The following UNC80 variants were observed in gnomAD, a reference collection of about 807,000 sequenced individuals.
UNC80 encodes unc-80 subunit of NALCN channel complex.
A neutral mutation model predicts 384.6 loss-of-function variants in UNC80; 164 were observed. The observed-to-expected ratio is 0.43, with a 90% CI of 0.38 to 0.49. The LOEUF (loss-of-function observed/expected upper bound fraction) is 0.49, where lower values mean the gene tolerates loss of function less well. UNC80 is among the 20% of genes least tolerant of loss of function. The pLI is 0.00. For missense variants in UNC80, 3,330 were observed against 4,143.0 expected (o/e 0.80, Z 5.39); for synonymous variants, 1,486 against 1,527.8 (o/e 0.97, Z 0.64).
In UNC80 at chr2:209,941,425, C is replaced by T. The variant is rs760142924; in HGVS notation, c.6851C>T (p.Ala2284Val). ...TATGCTGCCACCGTCATCAACACCGCGGTGCACTTCAACCACCTCTTCTCT... is the reference window on the plus strand; with the variant it reads ...TATGCTGCCACCGTCATCAACACCGTGGTGCACTTCAACCACCTCTTCTCT... Reference protein sequence around the residue: ...RQYAATVINTAVHFNHLFSLS... With the variant: ...RQYAATVINTVVHFNHLFSLS... The change falls in exon 44 of 65, where the codon GCG becomes GTG. Residue 2284 changes from alanine to valine, a missense_variant. Transcript: ENST00000673920. The T allele has an allele frequency of 2.2e-5, 34 of 1,548,174 alleles. No homozygotes were observed. Among genetic ancestry groups the T allele is most frequent in the East Asian group, 1.2e-4 (5 of 40,794 alleles).
intron 43 of UNC80, among the ~76,000 whole-genome samples, chr2:209,940,501 T>C (rs1223260780): frequency 1.3e-5 from 2 of 152,166 alleles, no homozygotes; most frequent in African/African-American, 4.8e-5. Flanking sequence ...CATCTCTATG[T>C]TTTATCGCCC....
chr2:209,783,133 A>G (rs1212042648), intron 4 of UNC80, among the ~76,000 whole-genome samples: 1 of 152,190 alleles, frequency 6.6e-6, no homozygotes, highest in East Asian at 1.9e-4. Context: ...GCTTTATGAC[A>G]TCCTGGAAAC....
At chr2:209,810,767 G>A (rs550936994) in intron 7 of UNC80, among the ~76,000 whole-genome samples, 2 of 152,216 alleles carry the variant, frequency 1.3e-5, no homozygotes, top group Admixed American at 6.5e-5. Context: ...TAATTTGGTC[G>A]AACTAATAAT....
intron 51 of UNC80, chr2:209,960,934 C>G (rs868563989): frequency 1.3e-5 from 2 of 152,212 alleles, no homozygotes; most frequent in Admixed American, 1.3e-4. Context: ...CTTCCTTTCC[C>G]GCTGGTCTTC....
intron 28 of UNC80, among the ~76,000 whole-genome samples, chr2:209,902,472 A>G (rs186431073): frequency 2.6e-5 from 4 of 152,328 alleles, no homozygotes; most frequent in Non-Finnish European, 5.9e-5. Context: ...GTAAAATGCT[A>G]TCAAACAGTA....
At chr2:209,821,282 C>T (rs183683719) in intron 13 of UNC80, among the ~76,000 whole-genome samples, 36 of 152,266 alleles carry the variant, frequency 2.4e-4, no homozygotes, top group African/African-American at 8.7e-4. Flanking sequence ...CTTATATGGG[C>T]CCAATCCCAC....
At chr2:209,897,679 CTAA>C (rs1175645074) in intron 28 of UNC80, among the ~76,000 whole-genome samples, 1 of 152,214 alleles carries the variant, frequency 6.6e-6, no homozygotes, top group Non-Finnish European at 1.5e-5. Context: ...GGTCGCTCCA[CTAA>C]TGTCTGTTTC....
intron 22 of UNC80, among the ~76,000 whole-genome samples, chr2:209,860,729 A>G (rs1030453822): frequency 1.1e-4 from 16 of 152,252 alleles, no homozygotes; most frequent in African/African-American, 3.6e-4. Context: ...TTCCTTGAGC[A>G]GTGGTTTGTA....
chr2:209,870,850 G>A (rs972706861), intron 22 of UNC80, among the ~76,000 whole-genome samples: 10 of 152,228 alleles, frequency 6.6e-5, no homozygotes, highest in African/African-American at 1.9e-4. Flanking sequence ...GGTTCTCAGA[G>A]GAGGTAACTA....
intron 61 of UNC80, among the ~76,000 whole-genome samples, chr2:209,988,179 T>A (rs1265872925): frequency 6.6e-6 from 1 of 152,192 alleles, no homozygotes; most frequent in African/African-American, 2.4e-5. Flanking sequence ...ACCTTATCGC[T>A]CCCGTGAAGT....
intron 25 of UNC80, among the ~76,000 whole-genome samples, chr2:209,883,699 C>T (rs974875022): frequency 3.9e-5 from 6 of 152,076 alleles, no homozygotes; most frequent in African/African-American, 1.2e-4. Flanking sequence ...TCCCAAAGTG[C>T]TGGGATTACA....
chr2:209,855,514 GA>G (rs1294553215), intron 22 of UNC80, among the ~76,000 whole-genome samples: 1 of 151,826 alleles, frequency 6.6e-6, no homozygotes, highest in Non-Finnish European at 1.5e-5. Context: ...TAAGTACATA[GA>G]ATTTAAAGAA....
At chr2:209,809,542 A>G in intron 7 of UNC80, 1 of 986,350 alleles carries the variant, frequency 1.0e-6, no homozygotes, top group Non-Finnish European at 1.6e-6. Flanking sequence ...CCTGCTCCAC[A>G]AGCACCAAGA....
chr2:209,826,091 T>A, intron 14 of UNC80, 38 bp downstream of exon 14: 1 of 1,523,370 alleles, frequency 6.6e-7, no homozygotes, highest in Non-Finnish European at 8.8e-7. Flanking sequence ...CCTCTCCCTC[T>A]TCCTTCCCTT....
At chr2:209,835,349 A>C (rs1391594388) in intron 18 of UNC80, among the ~76,000 whole-genome samples, 1 of 152,136 alleles carries the variant, frequency 6.6e-6, no homozygotes, top group Non-Finnish European at 1.5e-5. Context: ...ATCACTTATA[A>C]TTTTTTAAAA....
chr2:209,788,667 A>T (rs963568139), intron 5 of UNC80, among the ~76,000 whole-genome samples: 1 of 149,766 alleles, frequency 6.7e-6, no homozygotes, highest in Non-Finnish European at 1.5e-5. Flanking sequence ...TAAAGTTATA[A>T]AGAAATCACA....
chr2:209,954,299 C>A (rs1278411725), intron 48 of UNC80, 29 bp downstream of exon 48: 3 of 1,427,804 alleles, frequency 2.1e-6, no homozygotes, highest in Non-Finnish European at 2.8e-6. Context: ...ATAGCTACAG[C>A]CTTACATCAT....
chr2:209,885,125 A>G (rs374267840), intron 25 of UNC80, among the ~76,000 whole-genome samples: 4 of 152,172 alleles, frequency 2.6e-5, no homozygotes, highest in African/African-American at 7.2e-5. Context: ...CTAAAGTTAA[A>G]AAAATCAGAA....
At chr2:209,992,574 G>A (rs116334345) in intron 62 of UNC80, among the ~76,000 whole-genome samples, 1,679 of 152,184 alleles carry the variant, frequency 0.011, 30 homozygotes, top group African/African-American at 0.039. Context: ...CAAATGTTTC[G>A]ATCTTCTATT....
Sources: gnomAD v4.1 joint callset for allele counts (sites outside exome capture counted in the v4.1 genomes callset) on GRCh38, gnomAD v4.1.1 for gene constraint, MANE v1.5 for transcripts, NCBI Gene and HGNC (gene_info 2026-07-23, HGNC 2026-07-21) for gene names.